Variants in CECR2 observed in about 807,000 individuals in gnomAD.
CECR2 encodes CECR2 histone acetyl-lysine reader, also known as chromatin remodeling regulator CECR2.
CECR2 carries 30 observed loss-of-function variants against 154.5 expected under a neutral mutation model. The observed-to-expected ratio is 0.19, with a 90% CI of 0.15 to 0.26. The LOEUF is 0.26. CECR2 is among the 10% of genes least tolerant of loss of function. CECR2 has a pLI of 1.00. For missense variants in CECR2, 1,743 were observed against 1,829.3 expected (o/e 0.95, Z 0.86); for synonymous variants, 725 against 683.7 (o/e 1.06, Z -0.94).
chr22:17,403,688 A>G (rs1294081678), intron 1 of CECR2, among the ~76,000 whole-genome samples: 3 of 152,076 alleles, frequency 2.0e-5, no homozygotes, highest in Non-Finnish European at 2.9e-5. Context: ...AGCTATTTAT[A>G]TCTTTGGTGA....
intron 1 of CECR2, among the ~76,000 whole-genome samples, chr22:17,379,626 T>TGTGTGTGTGTGTG (rs1555899704): frequency 2.1e-5 from 2 of 93,582 alleles, no homozygotes; most frequent in African/African-American, 3.9e-5. Flanking sequence ...GTGTGTGTGT[T>TGTGTGTGTGTGTG]TGCGATATAT....
intron 2 of CECR2, among the ~76,000 whole-genome samples, chr22:17,483,611 A>T (rs1443147468): frequency 6.6e-6 from 1 of 152,194 alleles, no homozygotes; most frequent in African/African-American, 2.4e-5. Context: ...AAAAGAAAAA[A>T]ATATTTTTGT....
intron 1 of CECR2, among the ~76,000 whole-genome samples, chr22:17,409,835 A>G (rs2054038542): frequency 8.9e-6 from 1 of 111,756 alleles, no homozygotes; most frequent in African/African-American, 3.0e-5. Context: ...TGTACTCAAT[A>G]AATATTTACT....
Position 17,557,145 on chromosome 22 carries a change from C to CTTTTTTTTTTTTTTT in CECR2, c.*4311_*4325dup, listed in dbSNP as rs695763. On this transcript the variant is annotated 3_prime_UTR_variant, in exon 19 of 19. Coordinates refer to ENST00000262608, the MANE Select transcript of CECR2 (RefSeq NM_001290047.2). ...TACTGCATCCCGTTTTTTTTCTTTT[C>CTTTTTTTTTTTTTTT]TTTTTTTTTTTTTTTTTTTTGAGAC... The CTTTTTTTTTTTTTTT allele has an allele frequency of 4.7e-5, 5 of 106,538 alleles. No individual in the cohort carries two copies. Among genetic ancestry groups the CTTTTTTTTTTTTTTT allele is most frequent in the Admixed American group, 2.2e-4 (2 of 8,890 alleles). The allele number at this position is 106,538 out of a possible 1,614,324, so 6.6% of individuals were successfully genotyped here. A position where few individuals can be genotyped will look rare whatever the true frequency, so the allele number is the denominator to read the frequency against.
At position 17,419,525 on chromosome 22, in the gene CECR2, A is replaced by AGAAGAG. The variant is rs200071999; in HGVS notation, c.126+49637_126+49642dup. On this transcript the variant is annotated intron_variant, in intron 1 of 18. Coordinates refer to ENST00000262608, the MANE Select transcript of CECR2 (RefSeq NM_001290047.2). ...AGGAAGAGGAGGAAGAAGAAGAAGA[A>AGAAGAG]GAAGAGGAAGAGGAAGAGGAAGAGG... The AGAAGAG allele has an allele frequency of 1.4e-3, 265 of 185,026 alleles. 1 individual carries two copies. Among genetic ancestry groups the AGAAGAG allele is most frequent in the East Asian group, 7.7e-3 (53 of 6,870 alleles). 11.5% of individuals were successfully genotyped at this position (185,026 alleles called of 1,614,324 possible).
At chr22:17,449,171 G>A (rs190979497) in intron 1 of CECR2, among the ~76,000 whole-genome samples, 11 of 152,144 alleles carry the variant, frequency 7.2e-5, no homozygotes, top group South Asian at 2.1e-4. Context: ...GAACCACCAC[G>A]TCCCACCTCT....
intron 16 of CECR2, among the ~76,000 whole-genome samples, chr22:17,545,866 A>G (rs544931129): frequency 6.6e-6 from 1 of 150,626 alleles, no homozygotes; most frequent in South Asian, 2.1e-4. Flanking sequence ...AAAAGATAAT[A>G]GATTCCACAT....
chr22:17,435,704 AAAAAAAC>A (rs1177659692), intron 1 of CECR2, among the ~76,000 whole-genome samples: 1,511 of 150,048 alleles, frequency 0.01, 35 homozygotes, highest in African/African-American at 0.035. Flanking sequence ...AAAAAAAAAA[AAAAAAAC>A]AGGAGCAGGA....
chr22:17,513,315 T>G (rs984646480), intron 8 of CECR2, among the ~76,000 whole-genome samples: 1 of 152,356 alleles, frequency 6.6e-6, no homozygotes, highest in African/African-American at 2.4e-5. Context: ...TAGAGAGTTT[T>G]GAGTTAAGGG....
intron 1 of CECR2, among the ~76,000 whole-genome samples, chr22:17,403,098 T>G (rs1274332253): frequency 6.6e-6 from 1 of 152,224 alleles, no homozygotes; most frequent in Non-Finnish European, 1.5e-5. Flanking sequence ...GCATTCCACC[T>G]GACATCGCAT....
intron 8 of CECR2, chr22:17,518,573 C>T (rs2056101036): frequency 6.3e-6 from 2 of 318,272 alleles, no homozygotes; most frequent in Non-Finnish European, 1.2e-5. Context: ...AACTGTCTTC[C>T]TTCCATTGCA....
intron 14 of CECR2, 122 bp from the exon 15 acceptor site, chr22:17,541,709 CTGTCTCCA>C: frequency 8.7e-7 from 1 of 1,143,732 alleles, no homozygotes; most frequent in South Asian, 1.7e-5. Flanking sequence ...CACAGTCTCC[CTGTCTCCA>C]GCCGAGGTTT....
chr22:17,447,865 A>T (rs1197208921), intron 1 of CECR2, among the ~76,000 whole-genome samples: 1 of 137,010 alleles, frequency 7.3e-6, no homozygotes, highest in Non-Finnish European at 1.5e-5. Flanking sequence ...TGGTAGCCAC[A>T]TTTCAAGTGT....
At chr22:17,525,743 G>A (rs2056254033) in intron 9 of CECR2, among the ~76,000 whole-genome samples, 2 of 152,056 alleles carry the variant, frequency 1.3e-5, no homozygotes, top group Admixed American at 1.3e-4. Context: ...CATAATAACT[G>A]GCTTTTATTT....
At chr22:17,503,534 A>T (rs1161197751) in intron 6 of CECR2, among the ~76,000 whole-genome samples, 1 of 152,256 alleles carries the variant, frequency 6.6e-6, no homozygotes, top group Non-Finnish European at 1.5e-5. Context: ...AATGGGAGGC[A>T]CATACCAGTT....
intron 1 of CECR2, among the ~76,000 whole-genome samples, chr22:17,370,778 TCGGCCAGCCCAG>T (rs1321259482): frequency 7.9e-5 from 12 of 152,186 alleles, no homozygotes; most frequent in Admixed American, 7.2e-4. Flanking sequence ...CGGCCAGGCA[TCGGCCAGCCCAG>T]CGGCAGCCCC....
Position 17,511,759 on chromosome 22 carries a change from G to C in CECR2, c.871-54G>C, listed in dbSNP as rs1172435248. The stretch of plus-strand genomic sequence containing the variant: ...GGCAGCAGCAGCAGCAGCATCAGTA[G>C]TTGAGAACACCCTAATCTATCTTTT... On this transcript the variant is annotated intron_variant, in intron 7 of 18. Transcript: ENST00000262608. The C allele has an allele frequency of 2.0e-6, 3 of 1,507,414 alleles. No homozygotes were observed. In the East Asian group the frequency reaches 6.8e-5, roughly 34 times the overall value. 93.4% of individuals were successfully genotyped at this position (1,507,414 alleles called of 1,614,324 possible).
At chr22:17,544,922 T>C (rs2056588061) in intron 16 of CECR2, among the ~76,000 whole-genome samples, 1 of 150,394 alleles carries the variant, frequency 6.6e-6, no homozygotes, top group Admixed American at 6.6e-5. Context: ...CAATGAGCTA[T>C]GATTGCACCA....
chr22:17,513,746 T>C (rs181241685), intron 8 of CECR2, among the ~76,000 whole-genome samples: 1 of 152,326 alleles, frequency 6.6e-6, no homozygotes, highest in African/African-American at 2.4e-5. Context: ...CTCTGCTGTC[T>C]TTATTACCTT....
Sources: gnomAD v4.1 joint callset for allele counts (sites outside exome capture counted in the v4.1 genomes callset) on GRCh38, gnomAD v4.1.1 for gene constraint, MANE v1.5 for transcripts, NCBI Gene and HGNC (gene_info 2026-07-23, HGNC 2026-07-21) for gene names.